C1orf21: variants seen among roughly 807,000 people sequenced by gnomAD.
C1orf21 encodes the protein chromosome 1 open reading frame 21.
C1orf21 carries 3 observed loss-of-function variants against 18.7 expected under a neutral mutation model. That is an observed-to-expected ratio of 0.16 (90% CI 0.07 to 0.42). The LOEUF (loss-of-function observed/expected upper bound fraction) is 0.42. Among genes scored for constraint, C1orf21 ranks in the 10% least tolerant of loss-of-function variants. The probability of loss-of-function intolerance (pLI) is 0.99; values close to 1 mark genes in which losing one functional copy is unlikely to be tolerated. For missense variants in C1orf21, 104 were observed against 143.6 expected, an observed-to-expected ratio of 0.72 and a Z score of 1.41; for synonymous variants, 41 against 46.4, an observed-to-expected ratio of 0.88 and a Z score of 0.47.
At chr1:184,592,038 T>A (rs1659445759) in intron 4 of C1orf21, among the ~76,000 whole-genome samples, 1 of 152,042 alleles carries the variant, frequency 6.6e-6, no homozygotes, top group South Asian at 2.1e-4. Flanking sequence ...TAGTATATGG[T>A]AAAACAATAA....
At chr1:184,391,147 G>T (rs1467379793) in intron 1 of C1orf21, among the ~76,000 whole-genome samples, 1 of 152,146 alleles carries the variant, frequency 6.6e-6, no homozygotes, top group African/African-American at 2.4e-5. Context: ...AACATGACAT[G>T]CTGTGGTTAT....
At chr1:184,507,926 A>G (rs575483078) in intron 3 of C1orf21, among the ~76,000 whole-genome samples, 3 of 152,314 alleles carry the variant, frequency 2.0e-5, no homozygotes, top group African/African-American at 7.2e-5. Context: ...GTGTTTTAAA[A>G]TAGCTAAATT....
chr1:184,457,769 C>T (rs1451167297), intron 1 of C1orf21, among the ~76,000 whole-genome samples: 1 of 152,158 alleles, frequency 6.6e-6, no homozygotes. Flanking sequence ...GAGATTGCAT[C>T]AGCTTTGAGT....
chr1:184,614,116 TGATTGA>T (rs1386368799), intron 5 of C1orf21, among the ~76,000 whole-genome samples: 1 of 152,216 alleles, frequency 6.6e-6, no homozygotes, highest in Non-Finnish European at 1.5e-5. Flanking sequence ...GTGAACTGAC[TGATTGA>T]GATGTGGGCC....
At chr1:184,604,913 G>T (rs1659629377) in intron 5 of C1orf21, among the ~76,000 whole-genome samples, 2 of 152,182 alleles carry the variant, frequency 1.3e-5, no homozygotes, top group South Asian at 4.1e-4. Context: ...TCTTTAGGGA[G>T]CAAGAAGAAA....
At chr1:184,470,860 C>G (rs1182312829) in intron 1 of C1orf21, among the ~76,000 whole-genome samples, 3 of 150,220 alleles carry the variant, frequency 2.0e-5, no homozygotes, top group African/African-American at 7.4e-5. Context: ...GCTTGGGCAA[C>G]AGAGTAAGAC....
intron 2 of C1orf21, among the ~76,000 whole-genome samples, chr1:184,497,042 C>T (rs1657903924): frequency 6.6e-6 from 1 of 152,164 alleles, no homozygotes; most frequent in African/African-American, 2.4e-5. Context: ...CAGAGCCTAC[C>T]TTTCTTTGGT....
intron 3 of C1orf21, among the ~76,000 whole-genome samples, chr1:184,531,020 T>G (rs1658455344): frequency 6.6e-6 from 1 of 152,214 alleles, no homozygotes; most frequent in African/African-American, 2.4e-5. Context: ...TCCTGTTTTC[T>G]CATTAGAATT....
At chr1:184,514,122 C>A (rs950529016) in intron 3 of C1orf21, among the ~76,000 whole-genome samples, 1 of 152,154 alleles carries the variant, frequency 6.6e-6, no homozygotes, top group African/African-American at 2.4e-5. Flanking sequence ...CATAGCGAGA[C>A]TCTGTCTCTA....
intron 2 of C1orf21, among the ~76,000 whole-genome samples, chr1:184,501,050 C>T (rs1330817304): frequency 6.6e-6 from 1 of 152,064 alleles, no homozygotes; most frequent in Non-Finnish European, 1.5e-5. Flanking sequence ...TGCCTTTTTT[C>T]AGAGAGAGGC....
chr1:184,568,160 T>C (rs1659059822), intron 3 of C1orf21, among the ~76,000 whole-genome samples: 1 of 152,204 alleles, frequency 6.6e-6, no homozygotes. Flanking sequence ...TCCTATCTGC[T>C]AGCATTTGAG....
At chr1:184,543,628 A>G (rs35682339) in intron 3 of C1orf21, among the ~76,000 whole-genome samples, 45,385 of 151,992 alleles carry the variant, frequency 0.3, 7,107 homozygotes, top group African/African-American at 0.38. Flanking sequence ...GTTTATTTTT[A>G]TAAAAATGTT....
At chr1:184,517,858 A>G (rs1161029413) in intron 3 of C1orf21, among the ~76,000 whole-genome samples, 1 of 152,216 alleles carries the variant, frequency 6.6e-6, no homozygotes, top group African/African-American at 2.4e-5. Flanking sequence ...GTTCTAACTC[A>G]GTAGTCTCTC....
Position 184,498,387 on chromosome 1 carries a change from G to A in C1orf21, c.95-9201G>A, listed in dbSNP as rs1243917809. Among the ~76,000 whole-genome samples the A allele has an allele frequency of 3.3e-5, 5 of 152,096 alleles. No individual in the cohort carries two copies. In the East Asian group the frequency reaches 9.6e-4, roughly 29 times the overall value. ...TGCATCCATGCGTGTATGTCTATGC[G>A]TTCTCTCTCTCTCTCTCACCTTTGG... is the stretch of plus-strand genomic sequence containing the variant. On this transcript the variant is annotated intron_variant, in intron 2 of 5. Coordinates refer to ENST00000235307, the MANE Select transcript of C1orf21 (RefSeq NM_030806.4).
At chr1:184,438,572 G>C (rs569546309) in intron 1 of C1orf21, among the ~76,000 whole-genome samples, 392 of 152,266 alleles carry the variant, frequency 2.6e-3, no homozygotes, top group Middle Eastern at 6.8e-3. Flanking sequence ...GTTGCTCAAG[G>C]CCAGACATGG....
intron 1 of C1orf21, among the ~76,000 whole-genome samples, chr1:184,417,232 A>G (rs919602843): frequency 6.6e-6 from 1 of 152,204 alleles, no homozygotes; most frequent in African/African-American, 2.4e-5. Flanking sequence ...TTTTCAGTGA[A>G]AAGAAAAGCT....
chr1:184,496,955 T>A (rs1388683715), intron 2 of C1orf21, among the ~76,000 whole-genome samples: 1 of 152,206 alleles, frequency 6.6e-6, no homozygotes, highest in Non-Finnish European at 1.5e-5. Flanking sequence ...TACGTTTAAA[T>A]AGGTTACAAA....
chr1:184,610,398 T>A lies in C1orf21; in HGVS notation c.328-9120T>A, dbSNP rs893746906. On this transcript the variant is annotated intron_variant, in intron 5 of 5. Transcript: ENST00000235307. ...CCAGAGGAAGTTTGCCAAGGCCTGC[T>A]CTCGGACATCAGTTCAGTATGGCCA... Among the ~76,000 whole-genome samples, 11 of 152,330 alleles carry A rather than the reference T, an allele frequency of 7.2e-5. 1 individual carries two copies. The highest frequency in any genetic ancestry group is 6.8e-3 in the Middle Eastern group (2 of 294).
chr1:184,515,500 A>G (rs1658211604), intron 3 of C1orf21, among the ~76,000 whole-genome samples: 1 of 152,184 alleles, frequency 6.6e-6, no homozygotes, highest in Non-Finnish European at 1.5e-5. Flanking sequence ...TACGTAGGTT[A>G]CCAGTTTTGC....
Sources: allele counts gnomAD v4.1 joint callset (sites outside exome capture counted in the v4.1 genomes callset), GRCh38; gene constraint gnomAD v4.1.1; transcripts MANE v1.5; gene names NCBI Gene and HGNC (gene_info 2026-07-23, HGNC 2026-07-21).